The following THSD7B variants were observed in gnomAD, a reference collection of about 807,000 sequenced individuals.
THSD7B encodes thrombospondin type 1 domain containing 7B.
Under a neutral mutation model 213.6 loss-of-function variants are expected in THSD7B, and 138 were observed. The observed-to-expected ratio is 0.65, with a 90% CI of 0.56 to 0.74. THSD7B has a LOEUF of 0.74. THSD7B is among the 30% of genes least tolerant of loss of function. The pLI is 0.00. For missense variants in THSD7B, 1,931 were observed against 1,991.5 expected, an observed-to-expected ratio of 0.97 and a Z score of 0.58; for synonymous variants, 742 against 687.0, an observed-to-expected ratio of 1.08 and a Z score of -1.25.
chr2:137,581,317 G>C (rs969341386), intron 17 of THSD7B, among the ~76,000 whole-genome samples: 1 of 152,184 alleles, frequency 6.6e-6, no homozygotes, highest in Non-Finnish European at 1.5e-5. Flanking sequence ...GCCGGGTGCA[G>C]TGGTTCACGC....
At chr2:137,480,827 A>G (rs1573650437) in intron 15 of THSD7B, among the ~76,000 whole-genome samples, 1 of 152,288 alleles carries the variant, frequency 6.6e-6, no homozygotes, top group African/African-American at 2.4e-5. Flanking sequence ...TTGAAATCAA[A>G]TCAGAATTTT....
At chr2:137,644,681 T>G (rs909711059) in intron 21 of THSD7B, among the ~76,000 whole-genome samples, 8 of 152,214 alleles carry the variant, frequency 5.3e-5, no homozygotes, top group Non-Finnish European at 1.2e-4. Context: ...CTGATCAAAA[T>G]GCACGTGGGC....
Position 137,440,645 on chromosome 2 carries a change from C to A in THSD7B, c.2960-10200C>A, listed in dbSNP as rs1179682899. ...AACCCAGGTGTTACCAGATCATCTG[C>A]ATTTTCAAGGGAAGTCAGAAATGTT... On this transcript the variant is annotated intron_variant, in intron 14 of 27. Coordinates refer to ENST00000409968, the MANE Select transcript of THSD7B (RefSeq NM_001316349.2). Among the ~76,000 whole-genome samples the A allele has an allele frequency of 4.6e-5, 7 of 152,154 alleles. No homozygotes were observed. The South Asian group carries it at 6.2e-4, about 14-fold the overall frequency.
chr2:137,550,915 G>A (rs1169434464), intron 15 of THSD7B, among the ~76,000 whole-genome samples: 2 of 151,922 alleles, frequency 1.3e-5, no homozygotes, highest in South Asian at 2.1e-4. Flanking sequence ...TAACAAATTC[G>A]TCTGTACACC....
chr2:137,486,258 G>A (rs938320832), intron 15 of THSD7B, among the ~76,000 whole-genome samples: 31 of 151,652 alleles, frequency 2.0e-4, no homozygotes, highest in African/African-American at 3.9e-4. Context: ...CCCATCTCAC[G>A]TGCAGAGACA....
At chr2:136,848,796 C>T (rs1337660664) in intron 1 of THSD7B, among the ~76,000 whole-genome samples, 1 of 152,104 alleles carries the variant, frequency 6.6e-6, no homozygotes, top group African/African-American at 2.4e-5. Context: ...TTGAACAAGA[C>T]TTTTGGTGTT....
At chr2:137,098,969 T>C (rs1688093428) in intron 4 of THSD7B, among the ~76,000 whole-genome samples, 1 of 152,238 alleles carries the variant, frequency 6.6e-6, no homozygotes, top group Non-Finnish European at 1.5e-5. Flanking sequence ...ATTAGCATTG[T>C]ATAGCCTTAA....
chr2:137,240,654 G>T (rs947629787), intron 9 of THSD7B, among the ~76,000 whole-genome samples: 10 of 152,040 alleles, frequency 6.6e-5, no homozygotes, highest in Non-Finnish European at 1.3e-4. Context: ...AGGACTACAG[G>T]CATGTACCCC....
chr2:136,940,179 C>T, intron 2 of THSD7B, among the ~76,000 whole-genome samples: 1 of 152,088 alleles, frequency 6.6e-6, no homozygotes, highest in East Asian at 1.9e-4. Flanking sequence ...AACCTACCCT[C>T]CAACCCTTCC....
At chr2:136,779,277 C>T (rs1407947138) in intron 1 of THSD7B, among the ~76,000 whole-genome samples, 3 of 148,570 alleles carry the variant, frequency 2.0e-5, no homozygotes, top group African/African-American at 7.4e-5. Flanking sequence ...ATCAGGAAAA[C>T]AACTTATAAT....
At chr2:136,964,344 G>C (rs981945177) in intron 2 of THSD7B, among the ~76,000 whole-genome samples, 2 of 152,018 alleles carry the variant, frequency 1.3e-5, no homozygotes, top group Admixed American at 6.6e-5. Context: ...AGGATTGCCC[G>C]AGCCCAGAAG....
At chr2:137,391,229 T>C (rs575169662) in intron 12 of THSD7B, among the ~76,000 whole-genome samples, 4 of 152,226 alleles carry the variant, frequency 2.6e-5, no homozygotes, top group African/African-American at 4.8e-5. Context: ...TCTCTCAGTT[T>C]TCTCATTTGT....
chr2:137,584,350 C>G (rs1473950503), intron 17 of THSD7B, among the ~76,000 whole-genome samples: 1 of 152,168 alleles, frequency 6.6e-6, no homozygotes, highest in African/African-American at 2.4e-5. Flanking sequence ...TGCCTGATTG[C>G]CTTGGCCAGA....
chr2:137,609,427 A>C, intron 17 of THSD7B, among the ~76,000 whole-genome samples: 1 of 152,206 alleles, frequency 6.6e-6, no homozygotes, highest in East Asian at 1.9e-4. Context: ...GAAGCAAATA[A>C]AGCAGCAAGT....
intron 3 of THSD7B, among the ~76,000 whole-genome samples, chr2:137,080,336 C>A (rs187776445): frequency 1.4e-5 from 2 of 143,668 alleles, no homozygotes; most frequent in African/African-American, 5.2e-5. Context: ...CAAGCAGCTG[C>A]GATTATAGGC....
intron 15 of THSD7B, among the ~76,000 whole-genome samples, chr2:137,509,425 C>T (rs547210393): frequency 1.3e-5 from 2 of 151,062 alleles, no homozygotes; most frequent in South Asian, 4.2e-4. Context: ...AAAATTTGGC[C>T]ATTTTAAGTA....
intron 1 of THSD7B, among the ~76,000 whole-genome samples, chr2:136,820,516 T>C (rs1682550406): frequency 6.6e-6 from 1 of 152,216 alleles, no homozygotes; most frequent in Admixed American, 6.5e-5. Flanking sequence ...AAAATAACTG[T>C]CTGGTATCCT....
rs78312687 is a variant in THSD7B, at chr2:137,429,915, C to T, written c.2959+18043C>T. On this transcript the variant is annotated intron_variant, in intron 14 of 27. Coordinates refer to ENST00000409968, the MANE Select transcript of THSD7B (RefSeq NM_001316349.2). ...TTAAAGAGATTCATGTCTAACAGAA[C>T]TCCAGTGTTAACAAAATGATTTTTA... Among the ~76,000 whole-genome samples the T allele has an allele frequency of 4.3e-3, 651 of 152,166 alleles. 9 individuals carry two copies. The highest frequency in any genetic ancestry group is 0.015 in the African/African-American group (634 of 41,526).
intron 2 of THSD7B, among the ~76,000 whole-genome samples, chr2:136,973,911 C>T (rs149155623): frequency 8.5e-5 from 13 of 152,226 alleles, no homozygotes; most frequent in Admixed American, 4.6e-4. Flanking sequence ...AACTATCATG[C>T]GATAATGCAT....
Sources: allele counts gnomAD v4.1 joint callset (sites outside exome capture counted in the v4.1 genomes callset), GRCh38; gene constraint gnomAD v4.1.1; transcripts MANE v1.5; gene names NCBI Gene and HGNC (gene_info 2026-07-23, HGNC 2026-07-21).